Variants in ARMH1 observed in about 807,000 individuals in gnomAD.
The protein encoded by ARMH1 is armadillo like helical domain containing 1.
Under a neutral mutation model 50.2 loss-of-function variants are expected in ARMH1, and 34 were observed. That is an observed-to-expected ratio of 0.68 (90% CI 0.51 to 0.90). ARMH1 has a LOEUF of 0.90. ARMH1 is among the 40% of genes least tolerant of loss of function. The probability of loss-of-function intolerance (pLI) is 0.00; values close to 1 mark genes in which losing one functional copy is unlikely to be tolerated. For synonymous variants in ARMH1, 221 were observed against 224.2 expected, an observed-to-expected ratio of 0.99 and a Z score of 0.13; for missense variants, 538 against 553.9, an observed-to-expected ratio of 0.97 and a Z score of 0.29.
At chr1:44,703,152 G>A (rs1392146101) in intron 5 of ARMH1, among the ~76,000 whole-genome samples, 1 of 152,164 alleles carries the variant, frequency 6.6e-6, no homozygotes. Context: ...GCTGTCTGAT[G>A]GGATGAGGTT....
At chr1:44,707,212 A>G (rs1193897389) in intron 6 of ARMH1, among the ~76,000 whole-genome samples, 2 of 152,064 alleles carry the variant, frequency 1.3e-5, no homozygotes, top group African/African-American at 4.8e-5. Flanking sequence ...TCCTCAGCAC[A>G]GTCCCCAGCA....
At chr1:44,690,472 C>T (rs1396304148) in intron 2 of ARMH1, among the ~76,000 whole-genome samples, 2 of 152,136 alleles carry the variant, frequency 1.3e-5, no homozygotes, top group African/African-American at 4.8e-5. Context: ...CTGTCTAGGG[C>T]TAATCCTCTA....
intron 6 of ARMH1, among the ~76,000 whole-genome samples, chr1:44,708,527 CA>C (rs1041524398): frequency 2.6e-5 from 4 of 152,108 alleles, no homozygotes; most frequent in South Asian, 2.1e-4. Flanking sequence ...GAAGAAGGGT[CA>C]GGGGTGCCCA....
intron 2 of ARMH1, among the ~76,000 whole-genome samples, chr1:44,691,165 G>A (rs970094016): frequency 6.6e-6 from 1 of 152,026 alleles, no homozygotes; most frequent in Non-Finnish European, 1.5e-5. Context: ...GGCTGAGGCA[G>A]GAGAATCATT....
intron 1 of ARMH1, among the ~76,000 whole-genome samples, chr1:44,678,641 G>A (rs1645211054): frequency 1.3e-5 from 2 of 152,134 alleles, no homozygotes; most frequent in African/African-American, 4.8e-5. Flanking sequence ...GGGAGCCCAA[G>A]GAGAAGGCCT....
chr1:44,716,256 C>T (rs774329285), intron 6 of ARMH1, among the ~76,000 whole-genome samples: 35 of 152,192 alleles, frequency 2.3e-4, no homozygotes, highest in Non-Finnish European at 2.2e-4. Context: ...CCACCTACCA[C>T]CTTGATGACA....
intron 2 of ARMH1, among the ~76,000 whole-genome samples, chr1:44,690,870 G>A (rs1276946401): frequency 1.3e-5 from 2 of 151,934 alleles, no homozygotes; most frequent in South Asian, 2.1e-4. Flanking sequence ...GTAGAGACAG[G>A]GTTTCACCAT....
intron 6 of ARMH1, chr1:44,721,901 T>A: frequency 6.6e-6 from 1 of 152,350 alleles, no homozygotes; most frequent in African/African-American, 2.4e-5. Context: ...AAACCAGAGA[T>A]CTGCCTGTTA....
chr1:44,692,425 ATTG>A lies in ARMH1; in HGVS notation c.206+2525_206+2527del, dbSNP rs139830281. Among the ~76,000 whole-genome samples the A allele has an allele frequency of 3.8e-3, 579 of 152,112 alleles. 1 individual carries two copies. Among genetic ancestry groups the A allele is most frequent in the African/African-American group, 0.013 (523 of 41,504 alleles). On this transcript the variant is annotated intron_variant, in intron 2 of 11. Transcript: ENST00000535358. ...TCTGCCTTAATAATCATAACATTTT[ATTG>A]TTATTACCTGCTTAATATCTCTCTT...
intron 3 of ARMH1, 111 bp from the exon 4 acceptor site, chr1:44,697,952 C>G (rs1250155386): frequency 1.3e-6 from 1 of 778,730 alleles, no homozygotes; most frequent in East Asian, 2.9e-5. Context: ...TGGACATTTC[C>G]TGGATAGGAG....
At chr1:44,677,166 G>T (rs1383139831) in intron 1 of ARMH1, among the ~76,000 whole-genome samples, 1 of 152,230 alleles carries the variant, frequency 6.6e-6, no homozygotes, top group Non-Finnish European at 1.5e-5. Context: ...AGCAGAGAAA[G>T]ATTAAAATAG....
In ARMH1 at chr1:44,681,144, A is replaced by G. The variant is rs560248563; in HGVS notation, c.-23+6271A>G. On this transcript the variant is annotated intron_variant, in intron 1 of 11. Transcript: ENST00000535358. This position sits in a 1 kb window ranked among gnomAD's most constrained non-coding sequence, Gnocchi z 4.3. Reference sequence around the variant, plus strand: ...CGAGTAGCTGGGACTGCAGGCGTCCACCACCATGCCCGGCTAACTTTTTGT... The same window carrying G: ...CGAGTAGCTGGGACTGCAGGCGTCCGCCACCATGCCCGGCTAACTTTTTGT... Among the ~76,000 whole-genome samples, 104 of 151,316 alleles carry G rather than the reference A, an allele frequency of 6.9e-4. No individual in the cohort carries two copies. The highest frequency in any genetic ancestry group is 2.4e-3 in the African/African-American group (101 of 41,266).
At chr1:44,690,574 T>C (rs1645628222) in intron 2 of ARMH1, among the ~76,000 whole-genome samples, 1 of 152,198 alleles carries the variant, frequency 6.6e-6, no homozygotes, top group Non-Finnish European at 1.5e-5. Context: ...TTTCAGCATT[T>C]ATATATGCTG....
chr1:44,724,675 G>A lies in ARMH1; in HGVS notation c.1050+7G>A. 6.7e-7 allele frequency: 1 copy of A among 1,485,840 alleles called. No homozygotes were observed. The highest frequency in any genetic ancestry group is 1.3e-5 in the South Asian group (1 of 78,296). The allele number at this position is 1,485,840 out of a possible 1,614,324, so 92.0% of individuals were successfully genotyped here. ...GGCCAGCCTCACGCTGGAGGTGCGC[G>A]CGGCGGCTGGTTAGGGGGCGGGAAG... On this transcript the variant is annotated splice_region_variant and intron_variant, in intron 9 of 11. Transcript: ENST00000535358. This position sits in a 1 kb window ranked among gnomAD's most constrained non-coding sequence, Gnocchi z 6.4.
intron 6 of ARMH1, among the ~76,000 whole-genome samples, chr1:44,712,704 C>T (rs1646669094): frequency 6.7e-6 from 1 of 149,648 alleles, no homozygotes; most frequent in Non-Finnish European, 1.5e-5. Flanking sequence ...TGCTCTGTTG[C>T]CCAGGCTGGA....
intron 1 of ARMH1, 56 bp from the exon 2 acceptor site, chr1:44,689,620 G>T: frequency 7.6e-7 from 1 of 1,315,700 alleles, no homozygotes; most frequent in East Asian, 2.5e-5. Flanking sequence ...GAAAAATAAT[G>T]GAGTTGCATG....
At chr1:44,722,903 C>CAAAAA (rs71036693) in intron 6 of ARMH1, among the ~76,000 whole-genome samples, 3 of 85,988 alleles carry the variant, frequency 3.5e-5, no homozygotes, top group East Asian at 3.5e-4. Flanking sequence ...ACTAAAAATA[C>CAAAAA]AAAAAAAAAA....
chr1:44,698,297 C>A, intron 4 of ARMH1, 68 bp downstream of exon 4: 1 of 1,346,886 alleles, frequency 7.4e-7, no homozygotes, highest in Non-Finnish European at 9.9e-7. Context: ...GAACCCACCA[C>A]TGCTATAGGA....
At chr1:44,679,218 A>G (rs1471325383) in intron 1 of ARMH1, among the ~76,000 whole-genome samples, 1 of 152,238 alleles carries the variant, frequency 6.6e-6, no homozygotes, top group Non-Finnish European at 1.5e-5. Flanking sequence ...GACTATTTTA[A>G]TTGGCTGCCA....
Sources: gnomAD v4.1 joint callset for allele counts (sites outside exome capture counted in the v4.1 genomes callset) on GRCh38, gnomAD v4.1.1 for gene constraint, Gnocchi (gnomAD v3.1) non-coding constraint, MANE v1.5 for transcripts, NCBI Gene and HGNC (gene_info 2026-07-23, HGNC 2026-07-21) for gene names.